Variants in LIMS2 observed in about 807,000 individuals in gnomAD.
LIMS2 encodes LIM zinc finger domain containing 2.
A neutral mutation model predicts 45.3 loss-of-function variants in LIMS2; 30 were observed. The observed-to-expected ratio is 0.66, with a 90% CI of 0.50 to 0.90. The LOEUF is 0.90. LIMS2 is among the 40% of genes least tolerant of loss of function. LIMS2 has a pLI of 0.00. For synonymous variants in LIMS2, 173 were observed against 188.0 expected (o/e 0.92, Z 0.65); for missense variants, 485 against 468.7 (o/e 1.03, Z -0.32).
At position 127,667,426 on chromosome 2, in the gene LIMS2, A is replaced by G. The variant is rs1685063111; in HGVS notation, c.11+7588T>C. Among the ~76,000 whole-genome samples, 2 of 152,230 alleles carry G rather than the reference A, an allele frequency of 1.3e-5. No homozygotes were observed. The highest frequency in any genetic ancestry group is 2.9e-5 in the Non-Finnish European group (2 of 68,036). ...TATCTTGATCTCAAAATAAAATGCT[A>G]AAGTCACATAGATGCAAATGTCCTC... On this transcript the variant is annotated intron_variant, in intron 1 of 9. Transcript: ENST00000355119. This position sits in a 1 kb window ranked among gnomAD's most constrained non-coding sequence, Gnocchi z 4.1.
rs140836565 is a variant in LIMS2 at position 127,673,680 on chromosome 2, C to CCA, written c.11+1332_11+1333dup. 2.4e-4 allele frequency: 370 copies of CCA among 1,551,534 alleles called. No homozygotes were observed. Among genetic ancestry groups the CCA allele is most frequent in the Non-Finnish European group, 3.1e-4 (350 of 1,146,900 alleles). ...TGAAGGAACCGCCTCTCACCCACCT[C>CCA]CACCTCAATGCTGCTGCTGGGGCTG... On this transcript the variant is annotated intron_variant, in intron 1 of 9. Coordinates refer to ENST00000355119, the MANE Select transcript of LIMS2 (RefSeq NM_001161403.3).
Position 127,675,105 on chromosome 2 carries a change from G to A in LIMS2, c.-81C>T. 3 of 1,189,376 alleles carry A rather than the reference G, an allele frequency of 2.5e-6. No homozygotes were observed. The highest frequency in any genetic ancestry group is 3.1e-6 in the Non-Finnish European group (3 of 953,036). 73.7% of individuals were successfully genotyped at this position (1,189,376 alleles called of 1,614,324 possible). A position where few individuals can be genotyped will look rare whatever the true frequency, so the allele number is the denominator to read the frequency against. The stretch of plus-strand genomic sequence containing the variant: ...TGCTGCAGCCGCCAGCCGAGCGCCC[G>A]CCCGCCAGCCCGGGCCGCGGAGCAG... On this transcript the variant is annotated 5_prime_UTR_variant, in exon 1 of 10. Transcript: ENST00000355119.
At position 127,643,031 on chromosome 2, in the gene LIMS2, C is replaced by G; in HGVS notation, c.401G>C (p.Gly134Ala). ...RPCHNREKAKGLGKYICQRCH... is the reference protein window; with the variant it reads ...RPCHNREKAKALGKYICQRCH... ...CCGCTGGCAGATGTACTTGCCCAGG[C>G]CCTTGGCCTTCTCACGGTTGTGGCA... Residue 134 changes from glycine (G) to alanine (A), a missense_variant, in exon 5 of 10, where the codon GGC becomes GCC. By Grantham distance (60) the Gly-to-Ala change is moderately conservative (BLOSUM62 0). Coordinates refer to ENST00000355119, the MANE Select transcript of LIMS2 (RefSeq NM_001161403.3). 1.9e-6 allele frequency: 3 copies of G among 1,588,216 alleles called. No homozygotes were observed. The highest frequency in any genetic ancestry group is 2.6e-6 in the Non-Finnish European group (3 of 1,167,740).
Position 127,648,153 on chromosome 2 carries a change from G to A in LIMS2, c.360-5081C>T, listed in dbSNP as rs1027904651. ...AGTACTGTGGAACCTGGATTCCTGG[G>A]GAATGGGGTCCCCATGAGGAACTCC... On this transcript the variant is annotated intron_variant, in intron 4 of 9. Coordinates refer to ENST00000355119, the MANE Select transcript of LIMS2 (RefSeq NM_001161403.3). 64 of 985,214 alleles carry A rather than the reference G, an allele frequency of 6.5e-5. No individual in the cohort carries two copies. The African/African-American group carries it at 1.0e-3, about 16-fold the overall frequency. The allele number at this position is 985,214 out of a possible 1,614,324, so 61.0% of individuals were successfully genotyped here. A position where few individuals can be genotyped will look rare whatever the true frequency, so the allele number is the denominator to read the frequency against.
chr2:127,641,142 A>G, intron 6 of LIMS2, 154 bp from the exon 7 acceptor site: 1 of 623,190 alleles, frequency 1.6e-6, no homozygotes, highest in South Asian at 1.8e-5. Flanking sequence ...GGGGACAGAA[A>G]GCAGAGTCTG....
intron 2 of LIMS2, 92 bp from the exon 3 acceptor site, chr2:127,654,988 G>C (rs1274221341): frequency 2.5e-6 from 3 of 1,212,240 alleles, no homozygotes; most frequent in Non-Finnish European, 3.6e-6. Flanking sequence ...TGACAGCAGG[G>C]GATGAGGCAC....
intron 1 of LIMS2, among the ~76,000 whole-genome samples, chr2:127,660,783 A>C (rs749599462): frequency 2.4e-4 from 36 of 151,950 alleles, no homozygotes; most frequent in Non-Finnish European, 4.1e-4. Flanking sequence ...GGCCACACAC[A>C]CTCTCCTCTA....
chr2:127,640,662 A>T, intron 7 of LIMS2: 1 of 597,042 alleles, frequency 1.7e-6, no homozygotes, highest in East Asian at 2.8e-5. Flanking sequence ...TGTCAGCCCC[A>T]TGTGCCCGGG....
chr2:127,648,291 G>GTTCCCCTACC, intron 4 of LIMS2: 1 of 674,358 alleles, frequency 1.5e-6, no homozygotes, highest in Admixed American at 6.3e-5. Flanking sequence ...TTTCAGGTAG[G>GTTCCCCTACC]GGAACCTGCC....
At chr2:127,641,010 C>T (rs779955047) in intron 6 of LIMS2, 22 bp from the exon 7 acceptor site, 21 of 1,607,230 alleles carry the variant, frequency 1.3e-5, no homozygotes, top group East Asian at 6.7e-5. Flanking sequence ...AAGGGCGGGC[C>T]GGGTGGCATC....
rs1682569590 is a variant in LIMS2 at position 127,642,819 on chromosome 2, C to T, written c.509+104G>A. Reference sequence around the variant, plus strand: ...CCCTCTGTCTGCCCACCCTGCTCCCCTCTCCCTCCTCAACACTTCCCCAGG... The same window carrying T: ...CCCTCTGTCTGCCCACCCTGCTCCCTTCTCCCTCCTCAACACTTCCCCAGG... On this transcript the variant is annotated intron_variant, in intron 5 of 9. Coordinates refer to ENST00000355119, the MANE Select transcript of LIMS2 (RefSeq NM_001161403.3). This position sits in a 1 kb window ranked among gnomAD's most constrained non-coding sequence, Gnocchi z 5.3. The T allele has an allele frequency of 5.3e-6, 7 of 1,318,048 alleles. No individual in the cohort carries two copies. In the Admixed American group the frequency reaches 1.6e-4, roughly 29 times the overall value. The allele number at this position is 1,318,048 out of a possible 1,614,324, so 81.6% of individuals were successfully genotyped here. A position where few individuals can be genotyped will look rare whatever the true frequency, so the allele number is the denominator to read the frequency against.
intron 4 of LIMS2, chr2:127,651,284 G>A (rs1384031596): frequency 1.2e-6 from 2 of 1,607,388 alleles, no homozygotes; most frequent in South Asian, 2.2e-5. Context: ...TCTGCCTGCA[G>A]CTGTACCGGG....
rs368242175 is a variant in LIMS2 at position 127,664,120 on chromosome 2, T to C, written c.12-6558A>G. ...CCCTGCCAGGAGAGCTGATCACAGG[T>C]GACATCCAACCCTGTTAGATAAAGT... On this transcript the variant is annotated intron_variant, in intron 1 of 9. Coordinates refer to ENST00000355119, the MANE Select transcript of LIMS2 (RefSeq NM_001161403.3). This position sits in a 1 kb window ranked among gnomAD's most constrained non-coding sequence, Gnocchi z 5.5. 1.3e-3 allele frequency among the ~76,000 whole-genome samples: 191 copies of C among 152,094 alleles called. 2 individuals carry two copies. Among genetic ancestry groups the C allele is most frequent in the African/African-American group, 4.4e-3 (183 of 41,492 alleles).
intron 1 of LIMS2, among the ~76,000 whole-genome samples, chr2:127,661,594 C>T (rs1275392445): frequency 4.6e-5 from 7 of 152,196 alleles, no homozygotes; most frequent in African/African-American, 1.4e-4. Context: ...AGCTGGACTA[C>T]GTAGAACATA....
upstream of LIMS2, among the ~76,000 whole-genome samples, chr2:127,680,327 C>G (rs1685589841): frequency 6.6e-6 from 1 of 152,238 alleles, no homozygotes; most frequent in Admixed American, 6.5e-5. Context: ...ATGGTGCATG[C>G]CTGTGGGCCT....
At chr2:127,669,158 T>A (rs1172832338) in intron 1 of LIMS2, among the ~76,000 whole-genome samples, 1 of 152,138 alleles carries the variant, frequency 6.6e-6, no homozygotes, top group East Asian at 1.9e-4. Context: ...CCAAGACCAT[T>A]CAATGGGGCG....
intron 1 of LIMS2, among the ~76,000 whole-genome samples, chr2:127,663,501 C>G (rs962983235): frequency 6.6e-6 from 1 of 152,194 alleles, no homozygotes; most frequent in African/African-American, 2.4e-5. Flanking sequence ...TGGGAGCCTT[C>G]CCTGACCACA....
intron 1 of LIMS2, among the ~76,000 whole-genome samples, chr2:127,668,674 A>T: frequency 1.0e-5 from 1 of 100,468 alleles, no homozygotes; most frequent in Non-Finnish European, 2.0e-5. Flanking sequence ...GTCTCAAAAA[A>T]AAAAAAAAAA....
chr2:127,654,920 G>A (rs776141894), intron 2 of LIMS2, 24 bp from the exon 3 acceptor site: 1 of 1,609,600 alleles, frequency 6.2e-7, no homozygotes, highest in South Asian at 1.1e-5. Context: ...GCAGAGAGAG[G>A]ACAAGCAAAC....
Sources: gnomAD v4.1 joint callset for allele counts (sites outside exome capture counted in the v4.1 genomes callset) on GRCh38, gnomAD v4.1.1 for gene constraint, Gnocchi (gnomAD v3.1) non-coding constraint, MANE v1.5 for transcripts, NCBI Gene and HGNC (gene_info 2026-07-23, HGNC 2026-07-21) for gene names.